ZNF492: variants seen among roughly 807,000 people sequenced by gnomAD.
ZNF492 encodes the protein zinc finger protein 115 (Y20).
Under a neutral mutation model 6.4 loss-of-function variants are expected in ZNF492, and 3 were observed. The observed-to-expected ratio is 0.47, with a 90% CI of 0.21 to 1.22. The LOEUF is 1.22. Among genes scored for constraint, ZNF492 ranks in the 50% most tolerant of loss-of-function variants. The pLI is 0.22. For missense variants in ZNF492, 356 were observed against 612.5 expected (o/e 0.58, Z 4.42); for synonymous variants, 112 against 205.3 (o/e 0.55, Z 3.89).
At chr19:22,658,150 G>A (rs919403102) in intron 3 of ZNF492, among the ~76,000 whole-genome samples, 2 of 152,022 alleles carry the variant, frequency 1.3e-5, no homozygotes, top group African/African-American at 4.8e-5. Context: ...GGCCAGTCAT[G>A]GTGGTGGTTC....
At chr19:22,645,227 A>G (rs1259280669) in intron 1 of ZNF492, among the ~76,000 whole-genome samples, 1 of 151,928 alleles carries the variant, frequency 6.6e-6, no homozygotes, top group Non-Finnish European at 1.5e-5. Context: ...TTGTATTTTT[A>G]GTAGAGATGG....
intron 1 of ZNF492, among the ~76,000 whole-genome samples, chr19:22,647,054 T>C (rs567888208): frequency 2.9e-4 from 43 of 150,676 alleles, no homozygotes; most frequent in African/African-American, 1.0e-3. Flanking sequence ...CACGCCCGGC[T>C]AATTTTTTGT....
At chr19:22,642,412 T>C (rs28491542) in intron 1 of ZNF492, among the ~76,000 whole-genome samples, 6,934 of 99,998 alleles carry the variant, frequency 0.069, 258 homozygotes, top group African/African-American at 0.14. Flanking sequence ...TTTTTTGAGA[T>C]GGAGTCTCGC....
At chr19:22,640,374 C>G (rs1177367991) in intron 1 of ZNF492, among the ~76,000 whole-genome samples, 1 of 152,180 alleles carries the variant, frequency 6.6e-6, no homozygotes, top group Non-Finnish European at 1.5e-5. Flanking sequence ...GTTGGCCAGG[C>G]TGGTCTCGAA....
intron 1 of ZNF492, among the ~76,000 whole-genome samples, chr19:22,651,371 G>A (rs1036390547): frequency 6.6e-6 from 1 of 151,986 alleles, no homozygotes; most frequent in African/African-American, 2.4e-5. Flanking sequence ...CCTAAAAAAT[G>A]GCTTTTTTTT....
At chr19:22,636,795 AGCTAATTTT>A (rs745785054) in intron 1 of ZNF492, among the ~76,000 whole-genome samples, 2 of 141,550 alleles carry the variant, frequency 1.4e-5, no homozygotes, top group Non-Finnish European at 3.1e-5. Flanking sequence ...CACCACGCCC[AGCTAATTTT>A]TGTATTTTTA....
At chr19:22,638,652 C>A (rs907860704) in intron 1 of ZNF492, among the ~76,000 whole-genome samples, 3 of 152,080 alleles carry the variant, frequency 2.0e-5, no homozygotes, top group Non-Finnish European at 4.4e-5. Flanking sequence ...AATGTAATGA[C>A]TTCAGCTTTG....
In ZNF492 at chr19:22,665,164, C is replaced by T; in HGVS notation, c.1495C>T (p.His499Tyr). ...SSILNRHKMIHTGEKLYKPES... is the reference protein window; with the variant it reads ...SSILNRHKMIYTGEKLYKPES... ...TATTCTTAACAGACATAAGATGATT[C>T]ATACTGGAGAGAAACTCTACAAACC... The change falls in exon 4 of 4, where the codon CAT (histidine) becomes TAT (tyrosine). Residue 499 changes from histidine (H) to tyrosine (Y), a missense_variant. His to Tyr is a moderately conservative substitution (Grantham distance 83, BLOSUM62 2). Coordinates refer to ENST00000456783, the MANE Select transcript of ZNF492 (RefSeq NM_020855.3). 1 of 1,609,648 alleles carries T rather than the reference C, an allele frequency of 6.2e-7. No individual in the cohort carries two copies. Among genetic ancestry groups the T allele is most frequent in the South Asian group, 1.1e-5 (1 of 90,520 alleles).
rs868003313 is a variant in ZNF492 at position 22,655,307 on chromosome 19, A to T, written c.130+1292A>T. On this transcript the variant is annotated intron_variant, in intron 3 of 3. Coordinates refer to ENST00000456783, the MANE Select transcript of ZNF492 (RefSeq NM_020855.3). ...GAAACTCCATCTCAAAAAAAAAAAA[A>T]TTCTTTCAATCAATAGACATGAAAT... Among the ~76,000 whole-genome samples the T allele has an allele frequency of 3.4e-4, 52 of 150,964 alleles. 1 individual carries two copies. Among genetic ancestry groups the T allele is most frequent in the Admixed American group, 6.6e-4 (10 of 15,190 alleles).
chr19:22,660,646 A>G lies in ZNF492; in HGVS notation c.131-3154A>G, dbSNP rs183310051. On this transcript the variant is annotated intron_variant, in intron 3 of 3. Transcript: ENST00000456783. ...TTTCAAAATTTAGAGATCATTTAAA[A>G]TGTTTTCTGCACCATTATGATAATG... Among the ~76,000 whole-genome samples, 903 of 150,282 alleles carry G rather than the reference A, an allele frequency of 6.0e-3. 7 individuals are homozygous for G. Among genetic ancestry groups the G allele is most frequent in the African/African-American group, 0.022 (870 of 40,462 alleles).
At chr19:22,644,985 T>G (rs904389448) in intron 1 of ZNF492, among the ~76,000 whole-genome samples, 1 of 152,174 alleles carries the variant, frequency 6.6e-6, no homozygotes, top group African/African-American at 2.4e-5. Flanking sequence ...TCAGTGATGT[T>G]GAGCTTCTTT....
chr19:22,648,395 T>C (rs1339526261), intron 1 of ZNF492, among the ~76,000 whole-genome samples: 1 of 152,216 alleles, frequency 6.6e-6, no homozygotes, highest in Non-Finnish European at 1.5e-5. Context: ...AAAAGTGCCA[T>C]GTGGCACTGA....
At position 22,642,039 on chromosome 19, in the gene ZNF492, C is replaced by T. The variant is rs111721390; in HGVS notation, c.-94+7565C>T. 6.7e-3 allele frequency among the ~76,000 whole-genome samples: 1,018 copies of T among 152,076 alleles called. 10 individuals carry two copies. Among genetic ancestry groups the T allele is most frequent in the African/African-American group, 0.022 (905 of 41,484 alleles). ...CGATCTCCTGACCTCGTCATCCGCCCGCCTCAGCCTGCCAAAGTGCTAGGA... is the reference window on the plus strand; with the variant it reads ...CGATCTCCTGACCTCGTCATCCGCCTGCCTCAGCCTGCCAAAGTGCTAGGA... On this transcript the variant is annotated intron_variant, in intron 1 of 3. Coordinates refer to ENST00000456783, the MANE Select transcript of ZNF492 (RefSeq NM_020855.3).
At chr19:22,638,876 T>C (rs904406667) in intron 1 of ZNF492, among the ~76,000 whole-genome samples, 5 of 152,114 alleles carry the variant, frequency 3.3e-5, no homozygotes, top group Admixed American at 3.3e-4. Context: ...GGAGTCTTGC[T>C]CTGTCGCCCA....
At position 22,636,133 on chromosome 19, in the gene ZNF492, C is replaced by T. The variant is rs1971759736; in HGVS notation, c.-94+1659C>T. On this transcript the variant is annotated intron_variant, in intron 1 of 3. Coordinates refer to ENST00000456783, the MANE Select transcript of ZNF492 (RefSeq NM_020855.3). Reference sequence around the variant, plus strand: ...TTTTTTTTTGAGATGGAGTTTCGCTCTTGTTGCCCAGGCTGGAGTGCAATG... The same window carrying T: ...TTTTTTTTTGAGATGGAGTTTCGCTTTTGTTGCCCAGGCTGGAGTGCAATG... Among the ~76,000 whole-genome samples the T allele has an allele frequency of 2.7e-5, 4 of 149,440 alleles. No homozygotes were observed. The South Asian group carries it at 8.4e-4, about 31-fold the overall frequency.
chr19:22,659,344 A>G (rs935692228), intron 3 of ZNF492, among the ~76,000 whole-genome samples: 4 of 151,154 alleles, frequency 2.6e-5, no homozygotes, highest in Non-Finnish European at 5.9e-5. Context: ...ATTGAGAACC[A>G]TGTGTGTCCT....
intron 1 of ZNF492, among the ~76,000 whole-genome samples, chr19:22,649,938 A>G (rs192285226): frequency 2.0e-4 from 30 of 152,266 alleles, no homozygotes; most frequent in African/African-American, 7.2e-4. Flanking sequence ...TCTGAAGCCT[A>G]CATCTGTCAA....
intron 3 of ZNF492, among the ~76,000 whole-genome samples, chr19:22,659,411 G>A (rs1972031506): frequency 6.6e-6 from 1 of 151,670 alleles, no homozygotes; most frequent in African/African-American, 2.4e-5. Flanking sequence ...ACACTGCCTG[G>A]AAGTCCTCTA....
chr19:22,649,528 G>T (rs1053274636), intron 1 of ZNF492, among the ~76,000 whole-genome samples: 2 of 151,962 alleles, frequency 1.3e-5, no homozygotes, highest in Admixed American at 6.6e-5. Flanking sequence ...GTGTTTTCCA[G>T]CTTGTTTCCA....
Sources: allele counts gnomAD v4.1 joint callset (sites outside exome capture counted in the v4.1 genomes callset), GRCh38; gene constraint gnomAD v4.1.1; transcripts MANE v1.5; gene names NCBI Gene and HGNC (gene_info 2026-07-23, HGNC 2026-07-21).